RAB12: variants seen among roughly 807,000 people sequenced by gnomAD.
The protein encoded by RAB12 is RAB12, member RAS oncogene family.
In RAB12, 11 loss-of-function variants were observed where a neutral mutation model predicts 28.4. The ratio of observed to expected loss-of-function variants is 0.39; its 90% confidence interval spans 0.24 to 0.64. The LOEUF (loss-of-function observed/expected upper bound fraction) is 0.64. Ranked by LOEUF, RAB12 falls within the 30% of genes least tolerant of loss-of-function variation. The pLI, the probability that RAB12 is intolerant of heterozygous loss-of-function variation, is 0.50. For missense variants in RAB12, 276 were observed against 351.1 expected (o/e 0.79, Z 1.71); for synonymous variants, 138 against 145.3 (o/e 0.95, Z 0.36).
Position 8,627,754 on chromosome 18 carries a change from C to T in RAB12, c.575+2756C>T, listed in dbSNP as rs1451156811. On this transcript the variant is annotated intron_variant, in intron 2 of 5. Transcript: ENST00000649141. ...AATTGAAATGCTTCATATAAGGGCC[C>T]TTTGTTCTGCCTGTCGGACCAGTCC... Among the ~76,000 whole-genome samples, 3 of 152,152 alleles carry T rather than the reference C, an allele frequency of 2.0e-5. No homozygotes were observed. The East Asian group carries it at 5.8e-4, about 29-fold the overall frequency.
At chr18:8,620,164 T>TTTTAAA (rs1241560251) in intron 1 of RAB12, among the ~76,000 whole-genome samples, 3 of 55,346 alleles carry the variant, frequency 5.4e-5, no homozygotes, top group African/African-American at 1.0e-4. Flanking sequence ...TTTTTTTGCT[T>TTTTAAA]CAAAAAAAAA....
At chr18:8,609,991 G>T (rs948154326) in intron 1 of RAB12, 38 bp downstream of exon 1, 5 of 1,532,478 alleles carry the variant, frequency 3.3e-6, no homozygotes, top group African/African-American at 1.4e-5. Context: ...GGGCCTCCTG[G>T]CGCCCGGGCA....
Position 8,638,355 on chromosome 18 carries a change from C to T in RAB12, c.*93C>T, listed in dbSNP as rs2096020180. Reference sequence around the variant, plus strand: ...CAATCATTTTGACAATTTCCTTTCGCACTTTGTAATCCAAGTCAGAGCTAT... The same window carrying T: ...CAATCATTTTGACAATTTCCTTTCGTACTTTGTAATCCAAGTCAGAGCTAT... On this transcript the variant is annotated 3_prime_UTR_variant, in exon 6 of 6. Coordinates refer to ENST00000649141, the MANE Select transcript of RAB12 (RefSeq NM_001025300.3). 9 of 860,722 alleles carry T rather than the reference C, an allele frequency of 1.0e-5. No homozygotes were observed. The highest frequency in any genetic ancestry group is 2.1e-5 in the Admixed American group (1 of 47,366). The allele number at this position is 860,722 out of a possible 1,614,324, so 53.3% of individuals were successfully genotyped here.
At chr18:8,627,245 A>G (rs1415220281) in intron 2 of RAB12, among the ~76,000 whole-genome samples, 4 of 152,174 alleles carry the variant, frequency 2.6e-5, no homozygotes, top group African/African-American at 7.2e-5. Context: ...GAGGGCATAG[A>G]AGGCGCCTGT....
At chr18:8,619,508 C>T (rs755546198) in intron 1 of RAB12, among the ~76,000 whole-genome samples, 4 of 152,210 alleles carry the variant, frequency 2.6e-5, no homozygotes, top group Non-Finnish European at 5.9e-5. Flanking sequence ...GAAGGCAGAG[C>T]GCAGAGTCAG....
intron 1 of RAB12, among the ~76,000 whole-genome samples, chr18:8,611,870 T>C (rs1374012429): frequency 6.6e-6 from 1 of 152,242 alleles, no homozygotes; most frequent in African/African-American, 2.4e-5. Flanking sequence ...TTGCTTCACA[T>C]GTAGCCTATA....
chr18:8,625,036 GTGTT>G (rs1278922419), intron 2 of RAB12, 38 bp downstream of exon 2: 1 of 1,277,588 alleles, frequency 7.8e-7, no homozygotes, highest in African/African-American at 1.5e-5. Context: ...TGTGCTGTGT[GTGTT>G]TAACAGTCCA....
At chr18:8,612,294 G>C (rs1461326445) in intron 1 of RAB12, among the ~76,000 whole-genome samples, 1 of 152,234 alleles carries the variant, frequency 6.6e-6, no homozygotes, top group Non-Finnish European at 1.5e-5. Flanking sequence ...TTGAAGATAA[G>C]TTTGTTCCTC....
chr18:8,629,049 T>C (rs918027012), intron 2 of RAB12, among the ~76,000 whole-genome samples: 2 of 152,352 alleles, frequency 1.3e-5, no homozygotes, highest in South Asian at 4.1e-4. Flanking sequence ...GAAAAAATGC[T>C]TATTATTTTT....
At chr18:8,635,683 C>T in intron 4 of RAB12, 61 bp downstream of exon 4, 1 of 983,434 alleles carries the variant, frequency 1.0e-6, no homozygotes, top group Non-Finnish European at 1.5e-6. Context: ...GGTACTGTTT[C>T]TTTTAATAAA....
intron 5 of RAB12, among the ~76,000 whole-genome samples, chr18:8,637,239 A>G (rs1304384715): frequency 6.6e-6 from 1 of 151,348 alleles, no homozygotes; most frequent in Admixed American, 6.6e-5. Context: ...TCGTATCTAC[A>G]CTCCAGCCTG....
At chr18:8,628,683 T>G (rs918650799) in intron 2 of RAB12, among the ~76,000 whole-genome samples, 1 of 152,222 alleles carries the variant, frequency 6.6e-6, no homozygotes, top group African/African-American at 2.4e-5. Context: ...GCAGCTGACT[T>G]CTTAATGGTG....
In RAB12 at chr18:8,609,966, C is replaced by A. The variant is rs1441421416; in HGVS notation, c.514+13C>A. On this transcript the variant is annotated intron_variant, in intron 1 of 5. Transcript: ENST00000649141. ...AAGTCCACCGTGGGTAAGGGCGCCA[C>A]GGCGACCCTGGGCCGGGCCTCCTGG... is the stretch of plus-strand genomic sequence containing the variant. The A allele has an allele frequency of 1.2e-6, 2 of 1,601,846 alleles. No individual in the cohort carries two copies. The highest frequency in any genetic ancestry group is 3.4e-5 in the Admixed American group (2 of 59,244).
At chr18:8,629,590 C>T (rs1158726929) in intron 2 of RAB12, among the ~76,000 whole-genome samples, 1 of 152,312 alleles carries the variant, frequency 6.6e-6, no homozygotes, top group East Asian at 1.9e-4. Context: ...GTCAGGGCAG[C>T]AGGGGATCCT....
chr18:8,632,884 T>C, intron 2 of RAB12: 1 of 322,638 alleles, frequency 3.1e-6, no homozygotes, highest in Non-Finnish European at 5.6e-6. Context: ...TTAGCATTCC[T>C]GTTGCTGATT....
intron 1 of RAB12, among the ~76,000 whole-genome samples, chr18:8,619,106 C>T (rs1010457201): frequency 1.3e-5 from 2 of 152,320 alleles, no homozygotes; most frequent in Non-Finnish European, 2.9e-5. Flanking sequence ...TTGGCAGTGA[C>T]AACTACTGTT....
chr18:8,631,609 G>A (rs1019065412), intron 2 of RAB12, among the ~76,000 whole-genome samples: 23 of 152,280 alleles, frequency 1.5e-4, no homozygotes, highest in African/African-American at 5.5e-4. Context: ...CTGTTCCTCG[G>A]GCTCCCTCCA....
intron 1 of RAB12, among the ~76,000 whole-genome samples, chr18:8,615,073 C>A (rs2096006003): frequency 6.6e-6 from 1 of 152,120 alleles, no homozygotes; most frequent in Non-Finnish European, 1.5e-5. Flanking sequence ...TCAGGATGCC[C>A]ACTGGTGGGG....
chr18:8,633,361 C>T, intron 3 of RAB12, 34 bp downstream of exon 3: 5 of 1,610,064 alleles, frequency 3.1e-6, no homozygotes, highest in Non-Finnish European at 3.4e-6. Context: ...AATGTGAACT[C>T]TCTGCTTGTG....
Sources: allele counts gnomAD v4.1 joint callset (sites outside exome capture counted in the v4.1 genomes callset), GRCh38; gene constraint gnomAD v4.1.1; transcripts MANE v1.5; gene names NCBI Gene and HGNC (gene_info 2026-07-23, HGNC 2026-07-21).